KIAA0040: variants seen among roughly 807,000 people sequenced by gnomAD.
KIAA0040 encodes the protein KIAA0040.
A neutral mutation model predicts 7.2 loss-of-function variants in KIAA0040; 10 were observed. That is an observed-to-expected ratio of 1.38 (90% confidence interval 0.85 to 2.34). The LOEUF is 2.34. Ranked by LOEUF, KIAA0040 falls within the 30% of genes most tolerant of loss-of-function variation. The pLI, the probability that KIAA0040 is intolerant of heterozygous loss-of-function variation, is 0.00. For synonymous variants in KIAA0040, 49 were observed against 40.1 expected (o/e 1.22, Z -0.84); for missense variants, 89 against 108.2 (o/e 0.82, Z 0.79).
intron 1 of KIAA0040, among the ~76,000 whole-genome samples, chr1:175,185,600 T>A (rs750158202): frequency 2.6e-5 from 4 of 152,192 alleles, no homozygotes; most frequent in Non-Finnish European, 5.9e-5. Flanking sequence ...ACTTTATAAG[T>A]ATGTTGATAA....
At chr1:175,177,259 A>G (rs1016957546) in intron 2 of KIAA0040, among the ~76,000 whole-genome samples, 15 of 152,204 alleles carry the variant, frequency 9.9e-5, no homozygotes, top group Non-Finnish European at 5.9e-5. Context: ...CCCTCAAAGT[A>G]TCAGGGTCTT....
intron 2 of KIAA0040, chr1:175,176,269 A>T (rs2101895971): frequency 6.6e-6 from 1 of 152,326 alleles, no homozygotes; most frequent in East Asian, 1.9e-4. Context: ...TTGTCCTTTC[A>T]TTTAATGTTA....
intron 2 of KIAA0040, among the ~76,000 whole-genome samples, chr1:175,172,383 G>A (rs1677025539): frequency 6.6e-6 from 1 of 151,940 alleles, no homozygotes; most frequent in Admixed American, 6.6e-5. Context: ...TGCCAGCCTG[G>A]GCAACATAGC....
chr1:175,157,336 A>G lies in KIAA0040; in HGVS notation c.*3378T>C, dbSNP rs936635832. 1.2e-4 allele frequency: 18 copies of G among 152,314 alleles called. No homozygotes were observed. The highest frequency in any genetic ancestry group is 4.1e-4 in the African/African-American group (17 of 41,554). The allele number at this position is 152,314 out of a possible 1,614,324, so 9.4% of individuals were successfully genotyped here. On this transcript the variant is annotated 3_prime_UTR_variant, in exon 4 of 4. Transcript: ENST00000423313. ...TTGAGGGAGTCTGGTCTCCAAGGCC[A>G]TCTGTTTTGCAAGCAAGGGTGAGAC...
chr1:175,169,577 T>C (rs965569756), intron 2 of KIAA0040, among the ~76,000 whole-genome samples: 1 of 152,188 alleles, frequency 6.6e-6, no homozygotes, highest in Admixed American at 6.5e-5. Flanking sequence ...ATGGTTTTGT[T>C]TGTCTTTTTC....
chr1:175,181,963 C>T (rs1417953094), intron 1 of KIAA0040, among the ~76,000 whole-genome samples: 1 of 152,206 alleles, frequency 6.6e-6, no homozygotes, highest in Non-Finnish European at 1.5e-5. Context: ...CTTGCTCCAC[C>T]CGACCCCCTC....
intron 1 of KIAA0040, among the ~76,000 whole-genome samples, chr1:175,181,783 CAAGGTGCATAGAATGT>C (rs1270942552): frequency 6.6e-6 from 1 of 152,146 alleles, no homozygotes; most frequent in Non-Finnish European, 1.5e-5. Flanking sequence ...TTGGCACCTG[CAAGGTGCATAGAATGT>C]TTAAAGGCAG....
intron 3 of KIAA0040, among the ~76,000 whole-genome samples, chr1:175,164,840 CAA>C (rs5778837): frequency 6.6e-6 from 1 of 152,002 alleles, no homozygotes; most frequent in African/African-American, 2.4e-5. Context: ...AGAAAACAAT[CAA>C]ATATCTCCTT....
intron 1 of KIAA0040, among the ~76,000 whole-genome samples, chr1:175,178,065 C>A (rs1023451497): frequency 6.6e-6 from 1 of 152,232 alleles, no homozygotes; most frequent in East Asian, 1.9e-4. Context: ...GGTCTTCCTG[C>A]CTCCAACCCA....
chr1:175,178,308 A>C (rs1427974214), intron 1 of KIAA0040, among the ~76,000 whole-genome samples: 1 of 152,218 alleles, frequency 6.6e-6, no homozygotes, highest in African/African-American at 2.4e-5. Flanking sequence ...GTGTGAGCAG[A>C]AGGAATGGTA....
chr1:175,177,223 C>T (rs1445522154), intron 2 of KIAA0040, among the ~76,000 whole-genome samples: 1 of 152,184 alleles, frequency 6.6e-6, no homozygotes, highest in Non-Finnish European at 1.5e-5. Flanking sequence ...CCATTAGCAG[C>T]CCAGATACAT....
At chr1:175,167,226 T>G (rs1245547951) in intron 2 of KIAA0040, among the ~76,000 whole-genome samples, 5 of 152,212 alleles carry the variant, frequency 3.3e-5, no homozygotes, top group Non-Finnish European at 5.9e-5. Context: ...CAAAATAAAC[T>G]TATTTTAAAG....
chr1:175,165,395 A>G (rs1011844721), intron 3 of KIAA0040, among the ~76,000 whole-genome samples: 9 of 152,246 alleles, frequency 5.9e-5, no homozygotes, highest in African/African-American at 1.4e-4. Context: ...ACACAAATAT[A>G]ATCCATAAAA....
intron 1 of KIAA0040, among the ~76,000 whole-genome samples, chr1:175,179,502 C>G (rs1010443671): frequency 6.6e-6 from 1 of 152,112 alleles, no homozygotes; most frequent in Admixed American, 6.5e-5. Context: ...AGACAAAAAT[C>G]TAATTATAAA....
At chr1:175,176,788 T>C (rs1219323567) in intron 2 of KIAA0040, among the ~76,000 whole-genome samples, 2 of 150,276 alleles carry the variant, frequency 1.3e-5, no homozygotes, top group African/African-American at 4.9e-5. Context: ...GATATTCTTG[T>C]CCCTAGGAAT....
chr1:175,160,858 C>G lies in KIAA0040; in HGVS notation c.156G>C (p.Trp52Cys), dbSNP rs1157144651. 1 of 1,551,366 alleles carries G rather than the reference C, an allele frequency of 6.4e-7. No individual in the cohort carries two copies. Among genetic ancestry groups the G allele is most frequent in the South Asian group, 1.2e-5 (1 of 84,024 alleles). ...TLLFICCHCC[W>C]SPPGKRGQQP... ...GCTGGCCCCTCTTGCCTGGTGGGCT[C>G]CAGCAGCAATGGCAACAGATGAAGA... is the stretch of plus-strand genomic sequence containing the variant. Residue 52 changes from tryptophan (W) to cysteine (C), a missense_variant, in exon 4 of 4, where the codon TGG becomes TGC. Trp to Cys is a radical substitution (Grantham distance 215). Coordinates refer to ENST00000423313, the MANE Select transcript of KIAA0040 (RefSeq NM_014656.3).
At chr1:175,180,867 A>G (rs1677413844) in intron 1 of KIAA0040, among the ~76,000 whole-genome samples, 1 of 152,170 alleles carries the variant, frequency 6.6e-6, no homozygotes, top group Admixed American at 6.5e-5. Flanking sequence ...AATTTTTAAA[A>G]AATATACAGG....
chr1:175,173,425 T>C (rs1275396910), intron 2 of KIAA0040, among the ~76,000 whole-genome samples: 1 of 152,164 alleles, frequency 6.6e-6, no homozygotes, highest in African/African-American at 2.4e-5. Flanking sequence ...ATGGTCTCAT[T>C]CAACAACTCA....
At chr1:175,166,468 C>T (rs2269655) in intron 3 of KIAA0040, 94 bp downstream of exon 3, 1 of 152,106 alleles carries the variant, frequency 6.6e-6, no homozygotes, top group Non-Finnish European at 1.5e-5. Flanking sequence ...ATTGAATAAG[C>T]AAGCTGAGCA....
Sources: allele counts gnomAD v4.1 joint callset (sites outside exome capture counted in the v4.1 genomes callset), GRCh38; gene constraint gnomAD v4.1.1; transcripts MANE v1.5; gene names NCBI Gene and HGNC (gene_info 2026-07-23, HGNC 2026-07-21).